The following MOCOS variants were observed in gnomAD, a reference collection of about 807,000 sequenced individuals.
The protein encoded by MOCOS is human molybdenum cofactor sulfurase.
A neutral mutation model predicts 83.6 loss-of-function variants in MOCOS; 86 were observed. The ratio of observed to expected loss-of-function variants is 1.03; its 90% CI spans 0.86 to 1.23. The LOEUF (loss-of-function observed/expected upper bound fraction) is 1.23, where lower values mean the gene tolerates loss of function less well. Ranked by LOEUF, MOCOS falls within the 50% of genes most tolerant of loss-of-function variation. The probability of loss-of-function intolerance (pLI) is 0.00; values close to 1 mark genes in which losing one functional copy is unlikely to be tolerated. For synonymous variants in MOCOS, 445 were observed against 434.7 expected, an observed-to-expected ratio of 1.02 and a Z score of -0.29; for missense variants, 1,120 against 1,126.9, an observed-to-expected ratio of 0.99 and a Z score of 0.09.
intron 5 of MOCOS, 72 bp downstream of exon 5, chr18:36,203,261 A>G (rs1303969779): frequency 1.1e-5 from 16 of 1,391,888 alleles, no homozygotes; most frequent in Non-Finnish European, 1.5e-5. Context: ...CACAGGTGTG[A>G]TTCAGGTAAA....
chr18:36,234,910 A>G (rs1396566846), intron 9 of MOCOS, among the ~76,000 whole-genome samples: 2 of 152,170 alleles, frequency 1.3e-5, no homozygotes, highest in Non-Finnish European at 2.9e-5. Flanking sequence ...AGATCTCATA[A>G]GAACTTACTC....
At chr18:36,218,432 A>G (rs2091482949) in intron 8 of MOCOS, among the ~76,000 whole-genome samples, 1 of 152,066 alleles carries the variant, frequency 6.6e-6, no homozygotes, top group South Asian at 2.1e-4. Flanking sequence ...TTGGGGAAAC[A>G]GTTTAAAACT....
chr18:36,220,195 G>T lies in MOCOS; in HGVS notation c.1938G>T (p.Arg646Ser). The T allele has an allele frequency of 6.2e-7, 1 of 1,614,172 alleles. No homozygotes were observed. The change falls in exon 9 of 15, where the codon AGG becomes AGT. Residue 646 changes from arginine (R) to serine (S), a missense_variant. Arg to Ser is a moderately radical substitution (Grantham distance 110). Coordinates refer to ENST00000261326, the MANE Select transcript of MOCOS (RefSeq NM_017947.4). ...AGCCCTTCATCGACTTGCGGCAAAG[G>T]ATCATGGTCATCAAAGCCAAAGGTG... ...LIQPFIDLRQ[R>S]IMVIKAKGME...
At chr18:36,240,907 C>A (rs1218749668) in intron 9 of MOCOS, among the ~76,000 whole-genome samples, 2 of 152,180 alleles carry the variant, frequency 1.3e-5, no homozygotes, top group Non-Finnish European at 2.9e-5. Context: ...CAGGTGCCGT[C>A]CGTCACCCCT....
At chr18:36,251,566 G>T (rs747127146) in intron 11 of MOCOS, among the ~76,000 whole-genome samples, 48 of 152,302 alleles carry the variant, frequency 3.2e-4, no homozygotes, top group Non-Finnish European at 2.4e-4. Context: ...TAATCCAATT[G>T]TATTAAATAA....
rs564082052 is a variant in MOCOS, at chr18:36,259,977, A to G, written c.2271-60A>G. 227 of 1,601,192 alleles carry G rather than the reference A, an allele frequency of 1.4e-4. 1 individual carries two copies. The African/African-American group carries it at 2.9e-3, about 20-fold the overall frequency. ...TACATGGCAGGCATGATGAATTATT[A>G]TAGTGGTACAATTATCTGCCATCCT... On this transcript the variant is annotated intron_variant, in intron 12 of 14. Coordinates refer to ENST00000261326, the MANE Select transcript of MOCOS (RefSeq NM_017947.4).
At chr18:36,203,244 G>T in intron 5 of MOCOS, 55 bp downstream of exon 5, 1 of 1,499,080 alleles carries the variant, frequency 6.7e-7, no homozygotes, top group African/African-American at 1.4e-5. Flanking sequence ...CCTTGAGGGA[G>T]CTCTGGCACA....
chr18:36,206,594 T>G (rs984337738), intron 6 of MOCOS, among the ~76,000 whole-genome samples: 5 of 152,124 alleles, frequency 3.3e-5, no homozygotes, highest in African/African-American at 1.2e-4. Context: ...GCAGGCCTGT[T>G]ACATGGGTAC....
At chr18:36,213,932 C>CG (rs984800383) in intron 7 of MOCOS, among the ~76,000 whole-genome samples, 3 of 147,478 alleles carry the variant, frequency 2.0e-5, no homozygotes, top group Non-Finnish European at 3.0e-5. Flanking sequence ...CTCCATCCCC[C>CG]TCCAACCAAA....
intron 5 of MOCOS, 99 bp downstream of exon 5, chr18:36,203,288 G>T: frequency 9.1e-7 from 1 of 1,104,226 alleles, no homozygotes. Flanking sequence ...AGAGTCTGTG[G>T]AAGTGACTGG....
chr18:36,240,207 C>T (rs375506686), intron 9 of MOCOS, among the ~76,000 whole-genome samples: 47,835 of 122,472 alleles, frequency 0.39, 8,201 homozygotes, highest in African/African-American at 0.48. Context: ...GGAGGAGAGG[C>T]GCTCTGATTT....
intron 13 of MOCOS, among the ~76,000 whole-genome samples, chr18:36,265,277 A>G (rs2091678038): frequency 6.6e-6 from 1 of 152,214 alleles, no homozygotes; most frequent in African/African-American, 2.4e-5. Flanking sequence ...ACATGGAGGA[A>G]TTTCTTGTGG....
chr18:36,258,667 A>G (rs1205548295), intron 12 of MOCOS, among the ~76,000 whole-genome samples: 1 of 152,098 alleles, frequency 6.6e-6, no homozygotes, highest in Non-Finnish European at 1.5e-5. Context: ...CCTCACACCA[A>G]CTTAAGCAAT....
At chr18:36,199,628 CA>C (rs2091403160) in intron 3 of MOCOS, 54 bp from the exon 4 acceptor site, 1 of 1,609,272 alleles carries the variant, frequency 6.2e-7, no homozygotes, top group African/African-American at 1.3e-5. Flanking sequence ...AGCCTGCAAA[CA>C]TTCAGTGCTG....
chr18:36,191,325 G>A (rs2091365147), intron 1 of MOCOS, among the ~76,000 whole-genome samples: 1 of 152,208 alleles, frequency 6.6e-6, no homozygotes, highest in African/African-American at 2.4e-5. Flanking sequence ...CCAAAGGAGG[G>A]TGAAGAATCA....
intron 9 of MOCOS, among the ~76,000 whole-genome samples, chr18:36,236,091 C>T (rs1347884440): frequency 3.2e-5 from 4 of 126,730 alleles, no homozygotes; most frequent in African/African-American, 1.2e-4. Context: ...TGCCTGTTCA[C>T]TCTGATGGTA....
intron 12 of MOCOS, among the ~76,000 whole-genome samples, chr18:36,258,823 G>C (rs76302011): frequency 0.018 from 2,745 of 152,250 alleles, 89 homozygotes; most frequent in African/African-American, 0.064. Flanking sequence ...ATGAGGCAAA[G>C]TATCTGCTGA....
chr18:36,225,189 G>T (rs540725149), intron 9 of MOCOS, among the ~76,000 whole-genome samples: 1 of 151,848 alleles, frequency 6.6e-6, no homozygotes, highest in East Asian at 1.9e-4. Flanking sequence ...GTCTCATTCT[G>T]TTGCCAGGCT....
chr18:36,256,155 G>C (rs2091640806), intron 11 of MOCOS, among the ~76,000 whole-genome samples: 1 of 152,066 alleles, frequency 6.6e-6, no homozygotes, highest in African/African-American at 2.4e-5. Context: ...GCCTCCCAAA[G>C]TGCTGGGATT....
Sources: gnomAD v4.1 joint callset for allele counts (sites outside exome capture counted in the v4.1 genomes callset) on GRCh38, gnomAD v4.1.1 for gene constraint, MANE v1.5 for transcripts, NCBI Gene and HGNC (gene_info 2026-07-23, HGNC 2026-07-21) for gene names.